Variants in CNTNAP2 observed in about 807,000 individuals in gnomAD.
The protein encoded by CNTNAP2 is contactin-associated protein-like 2.
A neutral mutation model predicts 155.2 loss-of-function variants in CNTNAP2; 98 were observed. The observed-to-expected ratio is 0.63, with a 90% CI of 0.54 to 0.75. The LOEUF (loss-of-function observed/expected upper bound fraction) is 0.75, where lower values mean the gene tolerates loss of function less well. Among genes scored for constraint, CNTNAP2 ranks in the 30% least tolerant of loss-of-function variants. The pLI, the probability that CNTNAP2 is intolerant of heterozygous loss-of-function variation, is 0.00. For missense variants in CNTNAP2, 1,727 were observed against 1,688.1 expected (o/e 1.02, Z -0.40); for synonymous variants, 651 against 631.2 (o/e 1.03, Z -0.47).
chr7:146,275,682 C>T (rs1800152819), intron 1 of CNTNAP2, among the ~76,000 whole-genome samples: 1 of 152,046 alleles, frequency 6.6e-6, no homozygotes, highest in South Asian at 2.1e-4. Flanking sequence ...TTTACATGAG[C>T]CTCTATATCT....
rs1029545584 is a variant in CNTNAP2 at position 146,720,864 on chromosome 7, C to CAT, written c.98-53398_98-53397dup. Among the ~76,000 whole-genome samples, 8 of 138,246 alleles carry CAT rather than the reference C, an allele frequency of 5.8e-5. No homozygotes were observed. In the East Asian group the frequency reaches 7.4e-4, roughly 13 times the overall value. 90.7% of individuals were successfully genotyped at this position (138,246 alleles called of 152,430 possible). On this transcript the variant is annotated intron_variant, in intron 1 of 23. Coordinates refer to ENST00000361727, the MANE Select transcript of CNTNAP2 (RefSeq NM_014141.6). ...GAGAAAGAGCTAGAACCTATGTAAA[C>CAT]ATATATATATTCTATATATATACTC...
At chr7:147,022,729 A>G (rs1798838257) in intron 3 of CNTNAP2, among the ~76,000 whole-genome samples, 1 of 152,088 alleles carries the variant, frequency 6.6e-6, no homozygotes, top group Non-Finnish European at 1.5e-5. Context: ...ATAACAAAAT[A>G]TTTAAACTAC....
chr7:147,355,656 A>AC (rs1796051206), intron 9 of CNTNAP2, among the ~76,000 whole-genome samples: 1 of 152,142 alleles, frequency 6.6e-6, no homozygotes, highest in Admixed American at 6.5e-5. Context: ...AATACTGTAA[A>AC]CACCTCTATG....
At chr7:146,244,395 T>G (rs1457047603) in intron 1 of CNTNAP2, among the ~76,000 whole-genome samples, 1 of 151,998 alleles carries the variant, frequency 6.6e-6, no homozygotes, top group African/African-American at 2.4e-5. Flanking sequence ...ACAAGTTTTT[T>G]GGGGGCACAG....
rs73739585 is a variant in CNTNAP2, at chr7:146,231,529, T to A, written c.97+114556T>A. Among the ~76,000 whole-genome samples the A allele has an allele frequency of 4.0e-3, 610 of 152,338 alleles. 3 individuals are homozygous for A. The highest frequency in any genetic ancestry group is 0.014 in the African/African-American group (582 of 41,578). The stretch of plus-strand genomic sequence containing the variant: ...AAGGTACAGGTATGTGAATGTAGAA[T>A]GAGCATAAAATATAATTAAATTAAA... On this transcript the variant is annotated intron_variant, in intron 1 of 23. Transcript: ENST00000361727.
intron 13 of CNTNAP2, among the ~76,000 whole-genome samples, chr7:147,877,739 T>C (rs1166077890): frequency 2.0e-5 from 3 of 152,116 alleles, no homozygotes; most frequent in Non-Finnish European, 2.9e-5. Context: ...TTTTTCATTG[T>C]TTTTGTTTGT....
intron 15 of CNTNAP2, among the ~76,000 whole-genome samples, chr7:147,995,886 T>C (rs1801796707): frequency 6.6e-6 from 1 of 152,212 alleles, no homozygotes; most frequent in Non-Finnish European, 1.5e-5. Flanking sequence ...CCTTTGTATC[T>C]CATGGCCTGC....
chr7:147,586,508 C>T, intron 12 of CNTNAP2, among the ~76,000 whole-genome samples: 1 of 42,136 alleles, frequency 2.4e-5, no homozygotes, highest in African/African-American at 2.0e-4. Context: ...TACACACACA[C>T]CCACAGAGAG....
chr7:147,874,267 A>T (rs1799384326), intron 13 of CNTNAP2, among the ~76,000 whole-genome samples: 1 of 152,160 alleles, frequency 6.6e-6, no homozygotes, highest in Non-Finnish European at 1.5e-5. Flanking sequence ...TTCTGCACTG[A>T]CCTAGGAGAG....
chr7:147,818,449 G>A (rs951952694), intron 13 of CNTNAP2, among the ~76,000 whole-genome samples: 13 of 152,154 alleles, frequency 8.5e-5, no homozygotes, highest in African/African-American at 1.2e-4. Flanking sequence ...AGAGAGAAGT[G>A]CAGCCATCAG....
chr7:147,914,013 A>AT (rs1445972206), intron 14 of CNTNAP2, among the ~76,000 whole-genome samples: 1 of 152,190 alleles, frequency 6.6e-6, no homozygotes, highest in Non-Finnish European at 1.5e-5. Context: ...TCTTAAAAAA[A>AT]ATATATGTTC....
At chr7:148,080,701 T>C (rs1488934710) in intron 15 of CNTNAP2, among the ~76,000 whole-genome samples, 2 of 151,884 alleles carry the variant, frequency 1.3e-5, no homozygotes, top group African/African-American at 2.4e-5. Flanking sequence ...ATCCAAAAAC[T>C]GTTTAATTTA....
intron 15 of CNTNAP2, among the ~76,000 whole-genome samples, chr7:148,040,655 C>T (rs1030930150): frequency 1.3e-5 from 2 of 152,250 alleles, no homozygotes; most frequent in Non-Finnish European, 2.9e-5. Context: ...CACAAACACA[C>T]ACACAGTTTC....
intron 1 of CNTNAP2, among the ~76,000 whole-genome samples, chr7:146,635,953 A>G (rs1390422235): frequency 2.0e-5 from 3 of 152,304 alleles, no homozygotes; most frequent in Non-Finnish European, 2.9e-5. Flanking sequence ...TGGCAAGTGA[A>G]TGGAGCCGCC....
chr7:147,891,648 A>C (rs1043530494), intron 13 of CNTNAP2, among the ~76,000 whole-genome samples: 1 of 152,218 alleles, frequency 6.6e-6, no homozygotes, highest in Non-Finnish European at 1.5e-5. Flanking sequence ...ATTTAAATGC[A>C]AAGAGCAAAT....
intron 1 of CNTNAP2, among the ~76,000 whole-genome samples, chr7:146,554,924 C>G (rs748852901): frequency 6.6e-6 from 1 of 152,190 alleles, no homozygotes; most frequent in African/African-American, 2.4e-5. Context: ...TTTTTTCTCA[C>G]TGAACCTCAT....
At chr7:146,806,805 T>A (rs1204588503) in intron 2 of CNTNAP2, among the ~76,000 whole-genome samples, 2 of 152,174 alleles carry the variant, frequency 1.3e-5, no homozygotes, top group African/African-American at 4.8e-5. Flanking sequence ...AGATTCTCAG[T>A]TAGACTTTCT....
intron 11 of CNTNAP2, among the ~76,000 whole-genome samples, chr7:147,514,390 T>C (rs1799079237): frequency 6.6e-6 from 1 of 151,988 alleles, no homozygotes; most frequent in African/African-American, 2.4e-5. Flanking sequence ...TAAATGTGTA[T>C]GCATTTTAAA....
chr7:146,930,780 G>A (rs1796734276), intron 3 of CNTNAP2, among the ~76,000 whole-genome samples: 2 of 152,062 alleles, frequency 1.3e-5, no homozygotes, highest in Non-Finnish European at 2.9e-5. Flanking sequence ...GGCAGGGTTT[G>A]CAATCCTAGT....
Sources: gnomAD v4.1 joint callset for allele counts (sites outside exome capture counted in the v4.1 genomes callset) on GRCh38, gnomAD v4.1.1 for gene constraint, MANE v1.5 for transcripts, NCBI Gene and HGNC (gene_info 2026-07-23, HGNC 2026-07-21) for gene names.